MARCHF1: variants seen among roughly 807,000 people sequenced by gnomAD.
The protein encoded by MARCHF1 is E3 ubiquitin-protein ligase MARCHF1.
In MARCHF1, 40 loss-of-function variants were observed where a neutral mutation model predicts 54.2. The observed-to-expected ratio is 0.74, with a 90% CI of 0.57 to 0.96. MARCHF1 has a LOEUF of 0.96. Ranked by LOEUF, MARCHF1 falls within the 40% of genes least tolerant of loss-of-function variation. The probability of loss-of-function intolerance (pLI) is 0.00; values close to 1 mark genes in which losing one functional copy is unlikely to be tolerated. For missense variants in MARCHF1, 586 were observed against 656.5 expected, an observed-to-expected ratio of 0.89 and a Z score of 1.17; for synonymous variants, 236 against 236.3, an observed-to-expected ratio of 1.00 and a Z score of 0.01.
intron 1 of MARCHF1, among the ~76,000 whole-genome samples, chr4:164,360,175 AG>A (rs1730684271): frequency 1.3e-5 from 2 of 152,016 alleles, no homozygotes; most frequent in African/African-American, 4.8e-5. Flanking sequence ...TTCTCCTACC[AG>A]GTTTGTCTGC....
At chr4:164,319,517 A>G (rs1735082842) in intron 1 of MARCHF1, among the ~76,000 whole-genome samples, 1 of 152,216 alleles carries the variant, frequency 6.6e-6, no homozygotes, top group South Asian at 2.1e-4. Flanking sequence ...AAGCAAGAAC[A>G]ATATTTTAAT....
At chr4:163,567,819 ATTT>A (rs540553216) in intron 8 of MARCHF1, among the ~76,000 whole-genome samples, 1 of 150,270 alleles carries the variant, frequency 6.7e-6, no homozygotes, top group Non-Finnish European at 1.5e-5. Flanking sequence ...ACAAGACTTG[ATTT>A]TTTTTTTATT....
intron 4 of MARCHF1, among the ~76,000 whole-genome samples, chr4:163,712,543 T>C (rs564861877): frequency 2.6e-5 from 4 of 152,338 alleles, no homozygotes; most frequent in East Asian, 1.9e-4. Context: ...CAAACCTTTT[T>C]GTTCCAGTCT....
At chr4:163,976,650 T>C (rs1180265225) in intron 3 of MARCHF1, among the ~76,000 whole-genome samples, 1 of 152,158 alleles carries the variant, frequency 6.6e-6, no homozygotes, top group Non-Finnish European at 1.5e-5. Context: ...CAACTTCTGA[T>C]TTGTTTGCTG....
intron 1 of MARCHF1, among the ~76,000 whole-genome samples, chr4:164,149,664 GT>G (rs1346831685): frequency 6.6e-6 from 1 of 152,100 alleles, no homozygotes. Flanking sequence ...ATTCGGGTCA[GT>G]AGTAAAAATT....
intron 4 of MARCHF1, among the ~76,000 whole-genome samples, chr4:163,721,433 G>GTATTT: frequency 6.6e-6 from 1 of 152,282 alleles, no homozygotes; most frequent in Non-Finnish European, 1.5e-5. Context: ...TGGTTTGCCA[G>GTATTT]TATTTTATTG....
intron 2 of MARCHF1, among the ~76,000 whole-genome samples, chr4:164,093,822 C>T (rs1024756145): frequency 6.6e-5 from 10 of 152,236 alleles, no homozygotes; most frequent in African/African-American, 2.4e-4. Context: ...ATTTGTGCAT[C>T]TCCAGCCCAG....
chr4:163,928,696 T>C (rs1751590657), intron 3 of MARCHF1, among the ~76,000 whole-genome samples: 1 of 152,004 alleles, frequency 6.6e-6, no homozygotes, highest in East Asian at 1.9e-4. Flanking sequence ...TATGTATCAA[T>C]ATTATAAAGA....
rs562872730 is a variant in MARCHF1, at chr4:163,687,902, A to G, written c.162+12911T>C. Among the ~76,000 whole-genome samples, 4 of 152,352 alleles carry G rather than the reference A, an allele frequency of 2.6e-5. No homozygotes were observed. The East Asian group carries it at 7.7e-4, about 29-fold the overall frequency. ...AATGAAATGAGAATCGAATGAGGGA[A>G]TACATGATGTGACTCTGCAGTAATT... On this transcript the variant is annotated intron_variant, in intron 5 of 9. Coordinates refer to ENST00000514618, the MANE Select transcript of MARCHF1 (RefSeq NM_001394959.1).
intron 1 of MARCHF1, among the ~76,000 whole-genome samples, chr4:164,220,362 A>G (rs1732060457): frequency 6.8e-6 from 1 of 147,174 alleles, no homozygotes; most frequent in South Asian, 2.1e-4. Context: ...CCCTATATAC[A>G]TATTCCCATA....
At chr4:164,010,877 G>A (rs1226677537) in intron 2 of MARCHF1, among the ~76,000 whole-genome samples, 1 of 152,094 alleles carries the variant, frequency 6.6e-6, no homozygotes, top group Non-Finnish European at 1.5e-5. Flanking sequence ...CTACAAAGCT[G>A]TAGTAACCAC....
chr4:163,760,372 G>T (rs948415667), intron 4 of MARCHF1, among the ~76,000 whole-genome samples: 1 of 152,060 alleles, frequency 6.6e-6, no homozygotes, highest in African/African-American at 2.4e-5. Flanking sequence ...ATTTTCTATT[G>T]CCATAAGATA....
intron 4 of MARCHF1, among the ~76,000 whole-genome samples, chr4:163,720,652 A>AT (rs1284577270): frequency 6.6e-6 from 1 of 152,186 alleles, no homozygotes; most frequent in African/African-American, 2.4e-5. Flanking sequence ...GATTCTTCCT[A>AT]TCCATGAACA....
At chr4:163,895,968 A>G (rs922079572) in intron 3 of MARCHF1, among the ~76,000 whole-genome samples, 6 of 152,322 alleles carry the variant, frequency 3.9e-5, no homozygotes, top group African/African-American at 1.4e-4. Flanking sequence ...TAGCAAAAGT[A>G]GTTCAATTAC....
chr4:163,830,687 G>T (rs1748993794), intron 4 of MARCHF1, among the ~76,000 whole-genome samples: 1 of 152,064 alleles, frequency 6.6e-6, no homozygotes, highest in Non-Finnish European at 1.5e-5. Context: ...GCCGAGGCGG[G>T]AGCATCACTT....
At chr4:164,342,758 T>C (rs1294637542) in intron 1 of MARCHF1, among the ~76,000 whole-genome samples, 3 of 151,948 alleles carry the variant, frequency 2.0e-5, no homozygotes, top group Non-Finnish European at 4.4e-5. Flanking sequence ...GGTATGTGTA[T>C]ATACGCAAAC....
chr4:164,022,518 G>A (rs1753687115), intron 2 of MARCHF1, among the ~76,000 whole-genome samples: 1 of 152,082 alleles, frequency 6.6e-6, no homozygotes, highest in Non-Finnish European at 1.5e-5. Context: ...GTTAAGGGAA[G>A]GATGGACAGC....
intron 7 of MARCHF1, among the ~76,000 whole-genome samples, chr4:163,596,724 C>T (rs1211302794): frequency 2.0e-5 from 3 of 152,148 alleles, no homozygotes; most frequent in African/African-American, 7.2e-5. Context: ...AGAGCTGCTA[C>T]TCTGTTGGGT....
Position 163,912,473 on chromosome 4 carries a change from C to A in MARCHF1, c.-38-58304G>T, listed in dbSNP as rs115130572. ...GGAAGGGAGGGACACTTGAGATTGC[C>A]TTTAAAAACAGATATGAGTGAAAAA... On this transcript the variant is annotated intron_variant, in intron 3 of 9. Coordinates refer to ENST00000514618, the MANE Select transcript of MARCHF1 (RefSeq NM_001394959.1). Among the ~76,000 whole-genome samples the A allele has an allele frequency of 7.0e-3, 1,072 of 152,276 alleles. 12 individuals are homozygous for A. The highest frequency in any genetic ancestry group is 0.035 in the East Asian group (182 of 5,188).
Sources: allele counts gnomAD v4.1 joint callset (sites outside exome capture counted in the v4.1 genomes callset), GRCh38; gene constraint gnomAD v4.1.1; transcripts MANE v1.5; gene names NCBI Gene and HGNC (gene_info 2026-07-23, HGNC 2026-07-21).